Variants in MGA observed in about 807,000 individuals in gnomAD.
The protein encoded by MGA is MAX gene-associated protein.
MGA carries 40 observed loss-of-function variants against 261.1 expected under a neutral mutation model. The observed-to-expected ratio is 0.15, with a 90% CI of 0.12 to 0.20. The LOEUF is 0.20. Among genes scored for constraint, MGA ranks in the 10% least tolerant of loss-of-function variants. The pLI is 1.00. For missense variants in MGA, 3,397 were observed against 3,630.5 expected (o/e 0.94, Z 1.65); for synonymous variants, 1,302 against 1,290.6 (o/e 1.01, Z -0.19).
At chr15:41,672,861 CGT>C (rs1355764907) in intron 2 of MGA, among the ~76,000 whole-genome samples, 2 of 112,852 alleles carry the variant, frequency 1.8e-5, no homozygotes, top group Non-Finnish European at 3.8e-5. Flanking sequence ...TATACACATG[CGT>C]GTGCACACAC....
chr15:41,765,175 G>T, intron 23 of MGA, 113 bp downstream of exon 23: 1 of 1,263,082 alleles, frequency 7.9e-7, no homozygotes. Flanking sequence ...TATTCTGTTG[G>T]CATTTGCCTT....
In MGA at chr15:41,738,374, G is replaced by A. The variant is rs1018448285; in HGVS notation, c.4434+1676G>A. Among the ~76,000 whole-genome samples the A allele has an allele frequency of 3.9e-5, 6 of 152,286 alleles. No individual in the cohort carries two copies. In the South Asian group the frequency reaches 6.2e-4, roughly 16 times the overall value. ...CACGCCACTGCATTCCAGCCTGGGC[G>A]ACAGAGTGAGACTCCATCTCAAAAG... On this transcript the variant is annotated intron_variant, in intron 13 of 23. Transcript: ENST00000219905.
chr15:41,767,174 CAG>C lies in MGA; in HGVS notation c.9093_9094del (p.Gly3032GlufsTer2). On this transcript the variant is annotated frameshift_variant, in exon 24 of 24. Coordinates refer to ENST00000219905, the MANE Select transcript of MGA (RefSeq NM_001164273.2). LOFTEE classifies it high-confidence loss of function. ...TCAGTTGGACACAAAATGAACTTAACAGGGAATGACCAGGAAGGCCGGGAAAG... is the reference window on the plus strand; with the variant it reads ...TCAGTTGGACACAAAATGAACTTAACGGAATGACCAGGAAGGCCGGGAAAG... 3 of 1,613,968 alleles carry C rather than the reference CAG, an allele frequency of 1.9e-6. No homozygotes were observed. Among genetic ancestry groups the C allele is most frequent in the Non-Finnish European group, 2.5e-6 (3 of 1,179,872 alleles).
Position 41,669,809 on chromosome 15 carries a change from T to A in MGA, c.915T>A (p.Gly305=). ...GTCAGGGGTCAGAGATACAACCAGG[T>A]GATTTGGATCCTTTGTCAAGGGGTC... is the stretch of plus-strand genomic sequence containing the variant. Residue 305 remains glycine, a synonymous_variant, in exon 2 of 24, where the codon GGT becomes GGA. Coordinates refer to ENST00000219905, the MANE Select transcript of MGA (RefSeq NM_001164273.2). 6.2e-7 allele frequency: 1 copy of A among 1,613,876 alleles called. No homozygotes were observed. Among genetic ancestry groups the A allele is most frequent in the Non-Finnish European group, 8.5e-7 (1 of 1,179,870 alleles).
chr15:41,645,319 G>A (rs1300493792), intron 1 of MGA, among the ~76,000 whole-genome samples: 1 of 152,250 alleles, frequency 6.6e-6, no homozygotes, highest in African/African-American at 2.4e-5. Flanking sequence ...GCCGAGTGCG[G>A]TGGCTCACGC....
At chr15:41,715,107 T>C (rs2060561203) in intron 9 of MGA, among the ~76,000 whole-genome samples, 2 of 140,264 alleles carry the variant, frequency 1.4e-5, no homozygotes, top group African/African-American at 2.5e-5. Context: ...ATAGTTAAAC[T>C]TGGCAGTCTT....
intron 1 of MGA, among the ~76,000 whole-genome samples, chr15:41,626,037 G>A (rs1566919689): frequency 6.6e-6 from 1 of 152,046 alleles, no homozygotes; most frequent in Non-Finnish European, 1.5e-5. Context: ...CTCTCACTGT[G>A]CCTAATTTAT....
chr15:41,638,087 G>A (rs1209013240), intron 1 of MGA, among the ~76,000 whole-genome samples: 3 of 136,830 alleles, frequency 2.2e-5, no homozygotes, highest in Non-Finnish European at 4.6e-5. Context: ...CTGTCGCCCA[G>A]GCTGGAGTGC....
At chr15:41,740,328 C>A in intron 14 of MGA, 125 bp downstream of exon 14, 1 of 1,071,056 alleles carries the variant, frequency 9.3e-7, no homozygotes, top group Non-Finnish European at 1.3e-6. Context: ...TTCTTGTTGT[C>A]TGTCTTGCCT....
intron 2 of MGA, among the ~76,000 whole-genome samples, chr15:41,679,845 GT>G (rs1045993210): frequency 4.0e-5 from 6 of 150,846 alleles, no homozygotes; most frequent in Non-Finnish European, 8.9e-5. Flanking sequence ...ATTTGAATAT[GT>G]TTTTTTTTCT....
rs774582998 is a variant in MGA at position 41,654,685 on chromosome 15, C to T, written c.-67-14143C>T. 7.9e-5 allele frequency among the ~76,000 whole-genome samples: 12 copies of T among 152,258 alleles called. No homozygotes were observed. In the South Asian group the frequency reaches 2.5e-3, roughly 32 times the overall value. ...AGATTACAGGCATGAGCCACTGTGC[C>T]ATCTTTTAAATAAAGATGGAGTCTC... On this transcript the variant is annotated intron_variant, in intron 1 of 8. Coordinates refer to the MGA transcript ENST00000566718.
chr15:41,634,585 C>T (rs1199495988), intron 1 of MGA, among the ~76,000 whole-genome samples: 1 of 152,182 alleles, frequency 6.6e-6, no homozygotes, highest in Middle Eastern at 3.2e-3. Flanking sequence ...CCTCAGGAGA[C>T]ATCCTTCCCC....
chr15:41,753,578 T>C (rs2062975646), intron 17 of MGA, among the ~76,000 whole-genome samples: 1 of 152,144 alleles, frequency 6.6e-6, no homozygotes, highest in Non-Finnish European at 1.5e-5. Context: ...AATCGTGGGC[T>C]TTTTTGAAAC....
At chr15:41,633,932 C>T (rs76153372) in intron 1 of MGA, among the ~76,000 whole-genome samples, 4 of 152,232 alleles carry the variant, frequency 2.6e-5, no homozygotes, top group Non-Finnish European at 4.4e-5. Flanking sequence ...CTTAACACTC[C>T]CTTCCTTAAT....
intron 13 of MGA, among the ~76,000 whole-genome samples, chr15:41,737,963 G>C (rs993557525): frequency 3.3e-5 from 5 of 151,920 alleles, no homozygotes; most frequent in Non-Finnish European, 7.4e-5. Context: ...TTGGGCAACA[G>C]AGGGAGATTG....
chr15:41,737,881 G>A (rs1439658428), intron 13 of MGA, among the ~76,000 whole-genome samples: 1 of 152,032 alleles, frequency 6.6e-6, no homozygotes, highest in African/African-American at 2.4e-5. Context: ...TTGAGAGGCT[G>A]AGGCAGGAGA....
At chr15:41,727,837 GATATA>G (rs2061329020) in intron 10 of MGA, among the ~76,000 whole-genome samples, 1 of 152,108 alleles carries the variant, frequency 6.6e-6, no homozygotes. Flanking sequence ...AGTAACAGTT[GATATA>G]ATATGACTGA....
At chr15:41,654,493 A>G (rs1191437423) in intron 1 of MGA, among the ~76,000 whole-genome samples, 3 of 152,172 alleles carry the variant, frequency 2.0e-5, no homozygotes, top group East Asian at 1.9e-4. Flanking sequence ...GTGATGTCCA[A>G]TAGTTGGGGA....
Position 41,749,836 on chromosome 15 carries a change from TC to T in MGA, c.6231del (p.Glu2079LysfsTer23). 6.2e-7 allele frequency: 1 copy of T among 1,613,866 alleles called. No homozygotes were observed. Among genetic ancestry groups the T allele is most frequent in the Non-Finnish European group, 8.5e-7 (1 of 1,179,874 alleles). On this transcript the variant is annotated frameshift_variant, in exon 17 of 24. Coordinates refer to ENST00000219905, the MANE Select transcript of MGA (RefSeq NM_001164273.2). LOFTEE classifies it high-confidence loss of function. ...ATATGGGGCTAGGAATCGTAAGAGT[TC>T]CAAAGAAAAAGTGGCTGTTCTGGAA...
Sources: gnomAD v4.1 joint callset for allele counts (sites outside exome capture counted in the v4.1 genomes callset) on GRCh38, gnomAD v4.1.1 for gene constraint, MANE v1.5 for transcripts, NCBI Gene and HGNC (gene_info 2026-07-23, HGNC 2026-07-21) for gene names.